Variants in HTR2A observed in about 807,000 individuals in gnomAD.
HTR2A encodes 5-hydroxytryptamine receptor 2A.
HTR2A carries 14 observed loss-of-function variants against 31.0 expected under a neutral mutation model. The ratio of observed to expected loss-of-function variants is 0.45; its 90% confidence interval spans 0.30 to 0.71. HTR2A has a LOEUF of 0.71. HTR2A is among the 30% of genes least tolerant of loss of function. The probability of loss-of-function intolerance (pLI) is 0.09; values close to 1 mark genes in which losing one functional copy is unlikely to be tolerated. For missense variants in HTR2A, 442 were observed against 573.3 expected (o/e 0.77, Z 2.34); for synonymous variants, 209 against 225.2 (o/e 0.93, Z 0.64).
intron 3 of HTR2A, among the ~76,000 whole-genome samples, chr13:46,863,581 G>C (rs1300534492): frequency 3.9e-5 from 5 of 126,862 alleles, no homozygotes; most frequent in Non-Finnish European, 7.7e-5. Flanking sequence ...TATGAAGTAA[G>C]CTGCCACTGC....
intron 3 of HTR2A, among the ~76,000 whole-genome samples, chr13:46,881,803 G>A (rs1950966137): frequency 6.6e-6 from 1 of 152,204 alleles, no homozygotes; most frequent in Admixed American, 6.5e-5. Flanking sequence ...TTTGTTTCAG[G>A]CTGTGGGGCT....
In HTR2A at chr13:46,835,288, C is replaced by T; in HGVS notation, c.965G>A (p.Cys322Tyr). 6 of 1,614,112 alleles carry T rather than the reference C, an allele frequency of 3.7e-6. No homozygotes were observed. The highest frequency in any genetic ancestry group is 1.1e-5 in the South Asian group (1 of 91,084). ...MQSISNEQKA[C>Y]KVLGIVFFLF... ...GAAGAAGACGATGCCCAGCACCTTG[C>T]ATGCCTTTTGCTCATTGCTGATGGA... The change falls in exon 4 of 4, where the codon TGC becomes TAC. Residue 322 changes from cysteine (C) to tyrosine (Y), a missense_variant. Physicochemically the swap from Cys to Tyr is radical, Grantham distance 194 (BLOSUM62 -2). Transcript: ENST00000542664.
intron 3 of HTR2A, among the ~76,000 whole-genome samples, chr13:46,851,662 G>A (rs1950685677): frequency 1.3e-5 from 2 of 152,214 alleles, no homozygotes; most frequent in South Asian, 4.1e-4. Context: ...GGGCATGAAA[G>A]GCAGTTGTGG....
intron 3 of HTR2A, among the ~76,000 whole-genome samples, chr13:46,855,877 G>T (rs747393228): frequency 2.0e-5 from 3 of 152,178 alleles, no homozygotes; most frequent in African/African-American, 7.2e-5. Context: ...CAAAAGTAAG[G>T]GTGCCAAAGG....
intron 3 of HTR2A, among the ~76,000 whole-genome samples, chr13:46,866,038 CTATCTT>C (rs1950816049): frequency 6.6e-6 from 1 of 152,168 alleles, no homozygotes; most frequent in African/African-American, 2.4e-5. Context: ...TCAAGTTCTA[CTATCTT>C]TATCTTGCTC....
intron 3 of HTR2A, among the ~76,000 whole-genome samples, chr13:46,845,974 T>G (rs970859128): frequency 1.1e-4 from 16 of 152,320 alleles, no homozygotes; most frequent in African/African-American, 3.8e-4. Flanking sequence ...CAACTACCAT[T>G]GTTATAATTG....
intron 3 of HTR2A, among the ~76,000 whole-genome samples, chr13:46,837,572 A>G (rs1249342735): frequency 6.6e-6 from 1 of 152,140 alleles, no homozygotes; most frequent in Non-Finnish European, 1.5e-5. Flanking sequence ...AGAGTCTAAT[A>G]CATGGTCTCA....
rs1263843643 is a variant in HTR2A at position 46,896,839 on chromosome 13, A to G, written c.-494T>C. 1 of 1,536,648 alleles carries G rather than the reference A, an allele frequency of 6.5e-7. No individual in the cohort carries two copies. The highest frequency in any genetic ancestry group is 1.4e-5 in the African/African-American group (1 of 73,148). ...GCTGACTTCAAAAACTGCATGCAAG[A>G]GCTGAGCCAGCTCCCGCACTGCTAG... On this transcript the variant is annotated 5_prime_UTR_variant, in exon 1 of 4. Coordinates refer to ENST00000542664, the MANE Select transcript of HTR2A (RefSeq NM_000621.5).
At chr13:46,890,939 G>T (rs4941574) in intron 3 of HTR2A, among the ~76,000 whole-genome samples, 63,871 of 151,954 alleles carry the variant, frequency 0.42, 13,637 homozygotes, top group East Asian at 0.59. Flanking sequence ...AATTGGGATT[G>T]AGTGGTTACT....
intron 3 of HTR2A, among the ~76,000 whole-genome samples, chr13:46,860,792 G>T (rs1950773252): frequency 6.6e-6 from 1 of 152,150 alleles, no homozygotes; most frequent in South Asian, 2.1e-4. Flanking sequence ...AAATTTGATG[G>T]GTTACTATTA....
chr13:46,835,705 T>C (rs2138337747), intron 3 of HTR2A, 66 bp from the exon 4 acceptor site: 6 of 1,168,540 alleles, frequency 5.1e-6, no homozygotes, highest in Non-Finnish European at 7.3e-6. Context: ...AAGAGCATCA[T>C]CACATAATAT....
chr13:46,842,221 G>T (rs1023431043), intron 3 of HTR2A, among the ~76,000 whole-genome samples: 1 of 152,006 alleles, frequency 6.6e-6, no homozygotes, highest in Non-Finnish European at 1.5e-5. Flanking sequence ...CCCCTAGCAG[G>T]TGCTCTTTTC....
At chr13:46,845,785 C>T (rs1012760083) in intron 3 of HTR2A, among the ~76,000 whole-genome samples, 1 of 152,076 alleles carries the variant, frequency 6.6e-6, no homozygotes. Flanking sequence ...CTCTGGAAAA[C>T]TCTCTACCCT....
intron 3 of HTR2A, among the ~76,000 whole-genome samples, chr13:46,882,264 T>C (rs1369620829): frequency 6.7e-6 from 1 of 148,234 alleles, no homozygotes; most frequent in African/African-American, 2.5e-5. Flanking sequence ...TCAGAGACAA[T>C]AAAAAAATCC....
In HTR2A at chr13:46,896,673, C is replaced by G; in HGVS notation, c.-329+1G>C. On this transcript the variant is annotated splice_donor_variant, in intron 1 of 3. Coordinates refer to ENST00000542664, the MANE Select transcript of HTR2A (RefSeq NM_000621.5). LOFTEE classifies it low-confidence loss of function (5UTR_SPLICE). ...TAAAATATAGCGGCATGAGAACTTA[C>G]ATTTGTCTTCAGGGTCCACACATGA... 1 of 1,521,484 alleles carries G rather than the reference C, an allele frequency of 6.6e-7. No individual in the cohort carries two copies. Among genetic ancestry groups the G allele is most frequent in the South Asian group, 1.2e-5 (1 of 81,562 alleles). 94.2% of individuals were successfully genotyped at this position (1,521,484 alleles called of 1,614,324 possible). A position where few individuals can be genotyped will look rare whatever the true frequency, so the allele number is the denominator to read the frequency against.
intron 3 of HTR2A, among the ~76,000 whole-genome samples, chr13:46,867,260 G>C (rs1223032938): frequency 6.6e-6 from 1 of 152,202 alleles, no homozygotes; most frequent in African/African-American, 2.4e-5. Flanking sequence ...CCCTCACCTA[G>C]AGATAAGTTA....
intron 3 of HTR2A, among the ~76,000 whole-genome samples, chr13:46,849,346 T>C (rs1221648741): frequency 6.6e-6 from 1 of 152,212 alleles, no homozygotes; most frequent in Non-Finnish European, 1.5e-5. Flanking sequence ...CTGCCTGAAT[T>C]ACCACAAGAC....
At position 46,835,404 on chromosome 13, in the gene HTR2A, G is replaced by A; in HGVS notation, c.849C>T (p.Phe283=). The change falls in exon 4 of 4, where the codon TTC becomes TTT. Residue 283 remains phenylalanine, a synonymous_variant. Transcript: ENST00000542664. ...CTGAAGACAAAGAACTCTGAGGGAGGAAGCTGAAAGAAGCTAATTTGGCCC... is the reference window on the plus strand; with the variant it reads ...CTGAAGACAAAGAACTCTGAGGGAGAAAGCTGAAAGAAGCTAATTTGGCCC... The part of the protein sequence containing the change: ...GTRAKLASFS[F]LPQSSLSSEK... 6.2e-7 allele frequency: 1 copy of A among 1,614,114 alleles called. No individual in the cohort carries two copies. Among genetic ancestry groups the A allele is most frequent in the Non-Finnish European group, 8.5e-7 (1 of 1,179,998 alleles).
chr13:46,837,655 G>C lies in HTR2A; in HGVS notation c.614-2016C>G, dbSNP rs74085567. ...CACTCTTGCCATCCATCTGGAAAAA[G>C]GTTTTTGGAGAATCTCTAATCTAAC... On this transcript the variant is annotated intron_variant, in intron 3 of 3. Transcript: ENST00000542664. Among the ~76,000 whole-genome samples the C allele has an allele frequency of 4.8e-3, 732 of 152,266 alleles. 9 individuals carry two copies. Among genetic ancestry groups the C allele is most frequent in the African/African-American group, 0.017 (691 of 41,574 alleles).
Sources: allele counts gnomAD v4.1 joint callset (sites outside exome capture counted in the v4.1 genomes callset), GRCh38; gene constraint gnomAD v4.1.1; transcripts MANE v1.5; gene names NCBI Gene and HGNC (gene_info 2026-07-23, HGNC 2026-07-21).